The following KCNIP4 variants were observed in gnomAD, a reference collection of about 807,000 sequenced individuals.
The protein encoded by KCNIP4 is potassium voltage-gated channel interacting protein 4, also known as Kv channel-interacting protein 4.
A neutral mutation model predicts 34.0 loss-of-function variants in KCNIP4; 12 were observed. That is an observed-to-expected ratio of 0.35 (90% CI 0.23 to 0.57). The LOEUF is 0.57. Ranked by LOEUF, KCNIP4 falls within the 20% of genes least tolerant of loss-of-function variation. The pLI, the probability that KCNIP4 is intolerant of heterozygous loss-of-function variation, is 0.83. For missense variants in KCNIP4, 238 were observed against 311.7 expected (o/e 0.76, Z 1.78); for synonymous variants, 124 against 102.2 (o/e 1.21, Z -1.29).
chr4:21,216,279 T>A (rs1010089755), intron 1 of KCNIP4, among the ~76,000 whole-genome samples: 10 of 152,258 alleles, frequency 6.6e-5, no homozygotes, highest in African/African-American at 2.4e-4. Context: ...AGCAAGCACC[T>A]GAGCAGCTAA....
At chr4:20,989,729 G>A (rs1012675955) in intron 1 of KCNIP4, among the ~76,000 whole-genome samples, 4 of 152,126 alleles carry the variant, frequency 2.6e-5, no homozygotes, top group African/African-American at 9.7e-5. Context: ...AGCACTTTGG[G>A]AGGTTGAGGT....
rs1553880778 is a variant in KCNIP4 at position 20,728,774 on chromosome 4, A to ACCAGAATAGATACCTGATTT, written c.*1288_*1307dup. The stretch of plus-strand genomic sequence containing the variant: ...GCAGCTTTCAACATCCTATCTCTAC[A>ACCAGAATAGATACCTGATTT]CCAGAATAGATACCTGATTTATTGT... On this transcript the variant is annotated 3_prime_UTR_variant, in exon 9 of 9. Coordinates refer to ENST00000382152, the MANE Select transcript of KCNIP4 (RefSeq NM_025221.6). 7.2e-5 allele frequency: 11 copies of ACCAGAATAGATACCTGATTT among 152,558 alleles called. No individual in the cohort carries two copies. The highest frequency in any genetic ancestry group is 2.4e-4 in the African/African-American group (10 of 41,430). The allele number at this position is 152,558 out of a possible 1,614,324, so 9.5% of individuals were successfully genotyped here.
Position 21,885,797 on chromosome 4 carries a change from GT to G in KCNIP4, c.61+62773del, listed in dbSNP as rs536529866. On this transcript the variant is annotated intron_variant, in intron 1 of 8. Coordinates refer to ENST00000382152, the MANE Select transcript of KCNIP4 (RefSeq NM_025221.6). ...TTGTGGAAAGTACTAAGAATATTAT[GT>G]TTTTTTCCATATGCTACTAATGGGC... Among the ~76,000 whole-genome samples the G allele has an allele frequency of 2.4e-3, 359 of 152,146 alleles. 3 individuals carry two copies. Among genetic ancestry groups the G allele is most frequent in the African/African-American group, 8.3e-3 (343 of 41,520 alleles).
chr4:21,147,956 A>AAG (rs763865033), intron 1 of KCNIP4, among the ~76,000 whole-genome samples: 18,417 of 128,280 alleles, frequency 0.14, 1,768 homozygotes, highest in Middle Eastern at 0.19. Flanking sequence ...AAAAAAAAAA[A>AAG]AAAAGAAAAA....
chr4:20,824,743 G>GTAT (rs978289106), intron 3 of KCNIP4, among the ~76,000 whole-genome samples: 1 of 152,070 alleles, frequency 6.6e-6, no homozygotes, highest in Non-Finnish European at 1.5e-5. Context: ...TAGTTGCATG[G>GTAT]TATAATGACT....
chr4:21,635,898 A>C (rs1746108622), intron 1 of KCNIP4, among the ~76,000 whole-genome samples: 1 of 151,910 alleles, frequency 6.6e-6, no homozygotes, highest in South Asian at 2.1e-4. Flanking sequence ...CCAAATGTCC[A>C]ACAATGATAG....
At chr4:21,597,356 C>A (rs1742739241) in intron 1 of KCNIP4, among the ~76,000 whole-genome samples, 1 of 152,090 alleles carries the variant, frequency 6.6e-6, no homozygotes, top group South Asian at 2.1e-4. Flanking sequence ...CAGACACATG[C>A]AACTATAAGT....
intron 3 of KCNIP4, among the ~76,000 whole-genome samples, chr4:20,841,300 C>T (rs4697188): frequency 0.39 from 59,192 of 151,890 alleles, 12,049 homozygotes; most frequent in Non-Finnish European, 0.46. Context: ...CTAGACACAG[C>T]CTGAAGGGCT....
intron 1 of KCNIP4, among the ~76,000 whole-genome samples, chr4:21,259,683 C>T (rs144972987): frequency 1.0e-3 from 157 of 152,252 alleles, no homozygotes; most frequent in Middle Eastern, 6.8e-3. Flanking sequence ...AAGTGCCTTA[C>T]GGTCAGGTGG....
chr4:21,664,199 T>A (rs1001003828), intron 1 of KCNIP4, among the ~76,000 whole-genome samples: 2 of 152,142 alleles, frequency 1.3e-5, no homozygotes, highest in African/African-American at 4.8e-5. Context: ...TCCACCCACC[T>A]CAGCCTCCAA....
chr4:21,933,406 T>C (rs1729684437), intron 1 of KCNIP4, among the ~76,000 whole-genome samples: 1 of 152,124 alleles, frequency 6.6e-6, no homozygotes, highest in Admixed American at 6.6e-5. Flanking sequence ...GTATGTTCTC[T>C]AACCTTGTTC....
chr4:20,764,074 TTC>T (rs765776063), intron 3 of KCNIP4, among the ~76,000 whole-genome samples: 63 of 152,162 alleles, frequency 4.1e-4, no homozygotes, highest in Non-Finnish European at 8.1e-4. Context: ...CTCATCCATC[TTC>T]TGAGAATTTG....
At chr4:21,506,135 T>C (rs577728704) in intron 1 of KCNIP4, among the ~76,000 whole-genome samples, 87 of 152,250 alleles carry the variant, frequency 5.7e-4, no homozygotes, top group African/African-American at 2.0e-3. Context: ...ATAGAAATAA[T>C]TTATGACTAT....
At chr4:21,089,791 C>T (rs1172205115) in intron 1 of KCNIP4, among the ~76,000 whole-genome samples, 2 of 152,094 alleles carry the variant, frequency 1.3e-5, no homozygotes, top group African/African-American at 4.8e-5. Context: ...ACTTGAACCC[C>T]CAGCTTCTTT....
At chr4:21,429,874 G>C (rs2109661230) in intron 1 of KCNIP4, among the ~76,000 whole-genome samples, 1 of 152,098 alleles carries the variant, frequency 6.6e-6, no homozygotes, top group South Asian at 2.1e-4. Context: ...CAATACAACT[G>C]TGTCCAATGT....
At chr4:21,598,677 TC>T (rs1260050634) in intron 1 of KCNIP4, among the ~76,000 whole-genome samples, 2 of 151,922 alleles carry the variant, frequency 1.3e-5, no homozygotes, top group Non-Finnish European at 1.5e-5. Flanking sequence ...AGACAGTGCT[TC>T]CCCCCAAAAA....
chr4:21,112,957 C>T (rs941615578), intron 1 of KCNIP4, among the ~76,000 whole-genome samples: 21 of 152,068 alleles, frequency 1.4e-4, no homozygotes, highest in African/African-American at 4.1e-4. Flanking sequence ...AGATTGTATT[C>T]GCTTTCTAGT....
rs141564696 is a variant in KCNIP4, at chr4:20,967,589, C to T, written c.62-84880G>A. ...ACTTGTACCAAAACACATATATAGACCAATGAAACAGAGCAGAGGCCTCAG... is the reference window on the plus strand; with the variant it reads ...ACTTGTACCAAAACACATATATAGATCAATGAAACAGAGCAGAGGCCTCAG... On this transcript the variant is annotated intron_variant, in intron 1 of 8. Coordinates refer to ENST00000382152, the MANE Select transcript of KCNIP4 (RefSeq NM_025221.6). Among the ~76,000 whole-genome samples, 1,504 of 152,228 alleles carry T rather than the reference C, an allele frequency of 9.9e-3. 9 individuals are homozygous for T. Among genetic ancestry groups the T allele is most frequent in the Middle Eastern group, 0.014 (4 of 294 alleles).
In KCNIP4 at chr4:21,144,622, C is replaced by G. The variant is rs114811195; in HGVS notation, c.62-261913G>C. On this transcript the variant is annotated intron_variant, in intron 1 of 8. Transcript: ENST00000382152. ...ATACTGGAATATAAAGCTACTACTA[C>G]TTCCGTTGTTCCATAGAGCTTTCCA... Among the ~76,000 whole-genome samples, 3 of 152,146 alleles carry G rather than the reference C, an allele frequency of 2.0e-5. 1 individual carries two copies. Among genetic ancestry groups the G allele is most frequent in the Non-Finnish European group, 2.9e-5 (2 of 68,028 alleles).
Sources: gnomAD v4.1 joint callset for allele counts (sites outside exome capture counted in the v4.1 genomes callset) on GRCh38, gnomAD v4.1.1 for gene constraint, MANE v1.5 for transcripts, NCBI Gene and HGNC (gene_info 2026-07-23, HGNC 2026-07-21) for gene names.